Variants in OSBPL1A observed in about 807,000 individuals in gnomAD.
OSBPL1A encodes oxysterol-binding protein-related protein 1.
A neutral mutation model predicts 137.1 loss-of-function variants in OSBPL1A; 80 were observed. The observed-to-expected ratio is 0.58, with a 90% CI of 0.49 to 0.70. The LOEUF (loss-of-function observed/expected upper bound fraction) is 0.70, where lower values mean the gene tolerates loss of function less well. Among genes scored for constraint, OSBPL1A ranks in the 30% least tolerant of loss-of-function variants. The pLI is 0.00. For synonymous variants in OSBPL1A, 365 were observed against 389.7 expected (o/e 0.94, Z 0.75); for missense variants, 970 against 1,129.4 (o/e 0.86, Z 2.02).
intron 7 of OSBPL1A, among the ~76,000 whole-genome samples, chr18:24,324,968 C>G (rs1478116406): frequency 6.6e-6 from 1 of 151,806 alleles, no homozygotes. Flanking sequence ...CACCTGTAAT[C>G]CCAGCCACGC....
intron 1 of OSBPL1A, among the ~76,000 whole-genome samples, chr18:24,395,297 A>G (rs1309163428): frequency 6.6e-6 from 1 of 152,148 alleles, no homozygotes; most frequent in Non-Finnish European, 1.5e-5. Context: ...TCTCTTCTCC[A>G]CTAAGTTATT....
chr18:24,325,601 A>G (rs1315916028), intron 7 of OSBPL1A, among the ~76,000 whole-genome samples: 3 of 151,932 alleles, frequency 2.0e-5, no homozygotes, highest in Admixed American at 6.6e-5. Context: ...CCTTCATCCT[A>G]TTTTATTTTC....
In OSBPL1A at chr18:24,318,613, G is replaced by GCC. The variant is rs1568023928; in HGVS notation, c.718_719dup (p.Pro241AlafsTer17). On this transcript the variant is annotated frameshift_variant, in exon 9 of 28. Coordinates refer to ENST00000319481, the MANE Select transcript of OSBPL1A (RefSeq NM_080597.4). LOFTEE classifies it high-confidence loss of function. ...CACCTCAACTTACCTTCCAGAGAGGGCCCTCATATCGTTTCAATGCTTTGT... is the reference window on the plus strand; with the variant it reads ...CACCTCAACTTACCTTCCAGAGAGGGCCCCCTCATATCGTTTCAATGCTTTGT... 5.6e-6 allele frequency: 9 copies of GCC among 1,609,388 alleles called. No homozygotes were observed. Among genetic ancestry groups the GCC allele is most frequent in the Non-Finnish European group, 7.6e-6 (9 of 1,178,910 alleles).
Position 24,384,730 on chromosome 18 carries a change from C to T in OSBPL1A, c.-2-7195G>A, listed in dbSNP as rs981743923. On this transcript the variant is annotated intron_variant, in intron 1 of 27. Coordinates refer to ENST00000319481, the MANE Select transcript of OSBPL1A (RefSeq NM_080597.4). The stretch of plus-strand genomic sequence containing the variant: ...ACTAAAAATACAAAAATTAGCCAAG[C>T]GTGGTGGTGGGCCCCTGTAATCCCA... Among the ~76,000 whole-genome samples, 9 of 151,500 alleles carry T rather than the reference C, an allele frequency of 5.9e-5. 1 individual carries two copies. Among genetic ancestry groups the T allele is most frequent in the Admixed American group, 4.6e-4 (7 of 15,246 alleles).
chr18:24,194,736 C>T (rs1202604793), intron 18 of OSBPL1A, among the ~76,000 whole-genome samples: 1 of 152,146 alleles, frequency 6.6e-6, no homozygotes, highest in Non-Finnish European at 1.5e-5. Context: ...AATACACCTA[C>T]CTCTAAGGTA....
chr18:24,196,460 C>CTT (rs2087035583), intron 17 of OSBPL1A, among the ~76,000 whole-genome samples: 1 of 152,174 alleles, frequency 6.6e-6, no homozygotes, highest in Non-Finnish European at 1.5e-5. Context: ...CCTCCCAGTC[C>CTT]TTGGGATCCA....
chr18:24,289,418 G>GTTTTTTTT lies in OSBPL1A; in HGVS notation c.1175-8478_1175-8471dup, dbSNP rs536281272. 1.8e-4 allele frequency among the ~76,000 whole-genome samples: 17 copies of GTTTTTTTT among 94,194 alleles called. 1 individual carries two copies. The highest frequency in any genetic ancestry group is 2.6e-4 in the Non-Finnish European group (13 of 50,592). 61.8% of individuals were successfully genotyped at this position (94,194 alleles called of 152,430 possible). A position where few individuals can be genotyped will look rare whatever the true frequency, so the allele number is the denominator to read the frequency against. On this transcript the variant is annotated intron_variant, in intron 14 of 27. Coordinates refer to ENST00000319481, the MANE Select transcript of OSBPL1A (RefSeq NM_080597.4). ...TCCAGACTGTTTATTGTTTTTTCCT[G>GTTTTTTTT]TTTTTTTTTTTTTTTTTTTTTGAGA...
chr18:24,248,803 T>C (rs930606115), intron 15 of OSBPL1A, among the ~76,000 whole-genome samples: 9 of 152,230 alleles, frequency 5.9e-5, no homozygotes, highest in Non-Finnish European at 1.2e-4. Context: ...TAATGATACT[T>C]GGAAGAATCA....
At chr18:24,377,624 C>A in intron 1 of OSBPL1A, 89 bp from the exon 2 acceptor site, 1 of 1,313,338 alleles carries the variant, frequency 7.6e-7, no homozygotes, top group Non-Finnish European at 1.0e-6. Flanking sequence ...GGGAAAGAAT[C>A]CTCATTTTGC....
At position 24,271,442 on chromosome 18, in the gene OSBPL1A, G is replaced by A. The variant is rs973195999; in HGVS notation, c.1281+9400C>T. ...GGAAGAGAGCAGGGTCTCCCGGCTGGTGCGCCCCTCCCCACGCGCCCGCGG... is the reference window on the plus strand; with the variant it reads ...GGAAGAGAGCAGGGTCTCCCGGCTGATGCGCCCCTCCCCACGCGCCCGCGG... On this transcript the variant is annotated intron_variant, in intron 15 of 27. Transcript: ENST00000319481. This position sits in a 1 kb window ranked among gnomAD's most constrained non-coding sequence, Gnocchi z 4.0. 2.2e-5 allele frequency: 12 copies of A among 549,120 alleles called. No individual in the cohort carries two copies. The highest frequency in any genetic ancestry group is 2.5e-5 in the Non-Finnish European group (11 of 431,406). The allele number at this position is 549,120 out of a possible 1,614,324, so 34.0% of individuals were successfully genotyped here.
intron 25 of OSBPL1A, 24 bp downstream of exon 25, chr18:24,167,305 C>T (rs377432292): frequency 1.5e-4 from 242 of 1,596,332 alleles, no homozygotes; most frequent in Non-Finnish European, 1.9e-4. Flanking sequence ...ACAGTGAGGC[C>T]ACAGCCAGCA....
intron 4 of OSBPL1A, chr18:24,366,606 T>A (rs565728205): frequency 3.1e-4 from 84 of 273,394 alleles, no homozygotes; most frequent in African/African-American, 1.7e-3. Context: ...CTATTTTTTT[T>A]TTAAAAAAAA....
intron 23 of OSBPL1A, 103 bp downstream of exon 23, chr18:24,171,306 A>T (rs2086279993): frequency 7.1e-6 from 6 of 845,388 alleles, no homozygotes; most frequent in Middle Eastern, 3.7e-4. Context: ...TGCTGGGATT[A>T]TAGGTGTGAG....
At chr18:24,320,748 C>T (rs2090832862) in intron 7 of OSBPL1A, among the ~76,000 whole-genome samples, 1 of 152,042 alleles carries the variant, frequency 6.6e-6, no homozygotes, top group Admixed American at 6.5e-5. Flanking sequence ...ATAATATAGG[C>T]CGGGTGCAGT....
At chr18:24,282,277 T>G (rs567971786) in intron 14 of OSBPL1A, among the ~76,000 whole-genome samples, 1 of 152,324 alleles carries the variant, frequency 6.6e-6, no homozygotes, top group South Asian at 2.1e-4. Flanking sequence ...CATTAAAATT[T>G]CCTTTGTAGA....
Position 24,317,211 on chromosome 18 carries a change from G to C in OSBPL1A, c.808C>G (p.Pro270Ala). The change falls in exon 11 of 28, where the codon CCT becomes GCT. Residue 270 changes from proline (P) to alanine (A), a missense_variant and splice_region_variant. Transcript: ENST00000319481. ...CGATAAATATTATGAACTGCATCAGGCCTTCAAAATAAAAATGAAATTATC... is the reference window on the plus strand; with the variant it reads ...CGATAAATATTATGAACTGCATCAGCCCTTCAAAATAAAAATGAAATTATC... ...HGVLSWYRKQPDAVHNIYRQG... is the reference protein window; with the variant it reads ...HGVLSWYRKQADAVHNIYRQG... 1 of 1,613,542 alleles carries C rather than the reference G, an allele frequency of 6.2e-7. No homozygotes were observed. Among genetic ancestry groups the C allele is most frequent in the South Asian group, 1.1e-5 (1 of 91,054 alleles).
intron 15 of OSBPL1A, among the ~76,000 whole-genome samples, chr18:24,246,376 C>T (rs1315842223): frequency 1.3e-5 from 2 of 152,016 alleles, no homozygotes; most frequent in Non-Finnish European, 2.9e-5. Flanking sequence ...CTGGTTTTGA[C>T]TCTGAGTGAA....
intron 5 of OSBPL1A, among the ~76,000 whole-genome samples, chr18:24,337,268 G>A (rs1467801942): frequency 6.6e-6 from 1 of 152,108 alleles, no homozygotes; most frequent in Non-Finnish European, 1.5e-5. Context: ...GCCAAATTAA[G>A]AGAATCACTT....
At chr18:24,287,788 A>AAAATAAAATAAAATG (rs2090094802) in intron 14 of OSBPL1A, among the ~76,000 whole-genome samples, 1 of 149,548 alleles carries the variant, frequency 6.7e-6, no homozygotes. Flanking sequence ...AAAATAAAAT[A>AAAATAAAATAAAATG]AAATAAAATA....
Sources: allele counts gnomAD v4.1 joint callset (sites outside exome capture counted in the v4.1 genomes callset), GRCh38; gene constraint gnomAD v4.1.1; non-coding constraint Gnocchi (gnomAD v3.1); transcripts MANE v1.5; gene names NCBI Gene and HGNC (gene_info 2026-07-23, HGNC 2026-07-21).